OR51B5: variants seen among roughly 807,000 people sequenced by gnomAD.
OR51B5 encodes olfactory receptor family 51 subfamily B member 5.
For synonymous variants in OR51B5, 186 were observed against 144.8 expected (o/e 1.28, Z -2.04); for missense variants, 456 against 374.6 (o/e 1.22, Z -1.79).
chr11:5,396,471 G>A (rs112156765), intron 1 of OR51B5, among the ~76,000 whole-genome samples: 1 of 152,088 alleles, frequency 6.6e-6, no homozygotes, highest in Admixed American at 6.5e-5. Flanking sequence ...GCTTCAGAGA[G>A]AATATAATAC....
At chr11:5,364,144 A>G (rs2467234) in intron 1 of OR51B5, among the ~76,000 whole-genome samples, 28 of 152,194 alleles carry the variant, frequency 1.8e-4, no homozygotes, top group South Asian at 8.3e-4. Context: ...GAAAGAGTAA[A>G]ATTTTCAGGG....
chr11:5,422,828 A>T, intron 1 of OR51B5: 1 of 1,611,988 alleles, frequency 6.2e-7, no homozygotes, highest in South Asian at 1.1e-5. Context: ...GCTCATTATT[A>T]TCGTGGATCC....
chr11:5,489,653 C>T (rs1564831426), intron 1 of OR51B5: 1 of 1,608,292 alleles, frequency 6.2e-7, no homozygotes, highest in Non-Finnish European at 8.5e-7. Context: ...CTGGGGAAGA[C>T]TTCAATATGA....
Position 5,362,601 on chromosome 11 carries a change from C to A in OR51B5, n.85-15691G>T, listed in dbSNP as rs377630866. On this transcript the variant is annotated intron_variant and non_coding_transcript_variant, in intron 1 of 4. Transcript: ENST00000415970. Reference sequence around the variant, plus strand: ...TTCTGGTGGCAGAGTGGTGGCTTAGCCTGCTGGGGCAAAATGGAGCTCAAG... The same window carrying A: ...TTCTGGTGGCAGAGTGGTGGCTTAGACTGCTGGGGCAAAATGGAGCTCAAG... 3.7e-4 allele frequency: 55 copies of A among 147,926 alleles called. No individual in the cohort carries two copies. The East Asian group carries it at 7.0e-3, about 19-fold the overall frequency. 9.2% of individuals were successfully genotyped at this position (147,926 alleles called of 1,614,324 possible). A position where few individuals can be genotyped will look rare whatever the true frequency, so the allele number is the denominator to read the frequency against.
At position 5,484,360 on chromosome 11, in the gene OR51B5, C is replaced by T. The variant is rs1316416591; in HGVS notation, n.84+21209G>A. 3.3e-5 allele frequency among the ~76,000 whole-genome samples: 5 copies of T among 152,174 alleles called. No individual in the cohort carries two copies. The South Asian group carries it at 6.2e-4, about 19-fold the overall frequency. ...CTCCTGCCTCAATCTTTCTGGTCCA[C>T]ACATCCTTAGATAATCACAGAGTAG... On this transcript the variant is annotated intron_variant and non_coding_transcript_variant, in intron 1 of 4. Coordinates refer to the OR51B5 transcript ENST00000415970.
intron 1 of OR51B5, among the ~76,000 whole-genome samples, chr11:5,365,591 A>T (rs7483217): frequency 0.96 from 145,580 of 152,294 alleles, 70,085 homozygotes; most frequent in Non-Finnish European, 0.98. Context: ...GATGCACATG[A>T]CATCGGTTTG....
intron 1 of OR51B5, among the ~76,000 whole-genome samples, chr11:5,412,400 T>C (rs1006134480): frequency 7.2e-5 from 11 of 152,066 alleles, no homozygotes; most frequent in African/African-American, 2.2e-4. Flanking sequence ...CCATCTGAGG[T>C]ATCAGGTTCA....
chr11:5,396,248 G>C (rs1849869438), intron 1 of OR51B5, among the ~76,000 whole-genome samples: 1 of 152,182 alleles, frequency 6.6e-6, no homozygotes, highest in African/African-American at 2.4e-5. Context: ...GGAAATAAAA[G>C]GCATTCAATT....
At chr11:5,415,672 C>G (rs1001068336) in intron 1 of OR51B5, among the ~76,000 whole-genome samples, 2 of 152,118 alleles carry the variant, frequency 1.3e-5, no homozygotes, top group Middle Eastern at 3.2e-3. Context: ...ACTAGAAAAT[C>G]TAGAAGAAAT....
At chr11:5,351,815 A>G (rs1054502407) in intron 1 of OR51B5, 5 of 1,613,928 alleles carry the variant, frequency 3.1e-6, no homozygotes, top group African/African-American at 2.7e-5. Flanking sequence ...TATTTTATCC[A>G]TACTCTTTCT....
intron 1 of OR51B5, among the ~76,000 whole-genome samples, chr11:5,413,479 A>G (rs1354412397): frequency 6.6e-6 from 1 of 152,056 alleles, no homozygotes; most frequent in South Asian, 2.1e-4. Context: ...CAGACAATCA[A>G]ACTACGAGCT....
chr11:5,459,880 G>T (rs969674713), intron 1 of OR51B5, among the ~76,000 whole-genome samples: 1 of 152,086 alleles, frequency 6.6e-6, no homozygotes, highest in East Asian at 1.9e-4. Flanking sequence ...CTACTACTGG[G>T]TATATACCCA....
Position 5,469,178 on chromosome 11 carries a change from G to A in OR51B5, n.84+36391C>T, listed in dbSNP as rs55679555. The stretch of plus-strand genomic sequence containing the variant: ...ATGAAAACACACAGCAGCCAGTACA[G>A]TGGGCAATGTAGAAAAGGACACACC... On this transcript the variant is annotated intron_variant and non_coding_transcript_variant, in intron 1 of 4. Transcript: ENST00000415970. The A allele has an allele frequency of 7.9e-3, 1,483 of 187,036 alleles. 26 individuals are homozygous for A. Among genetic ancestry groups the A allele is most frequent in the African/African-American group, 0.033 (1,390 of 42,304 alleles). The allele number at this position is 187,036 out of a possible 1,614,324, so 11.6% of individuals were successfully genotyped here. A position where few individuals can be genotyped will look rare whatever the true frequency, so the allele number is the denominator to read the frequency against.
chr11:5,440,437 A>G (rs985337285), intron 1 of OR51B5: 5 of 610,618 alleles, frequency 8.2e-6, no homozygotes, highest in African/African-American at 1.8e-5. Flanking sequence ...TTATAGTCAA[A>G]TATTATTTTA....
intron 1 of OR51B5, among the ~76,000 whole-genome samples, chr11:5,462,479 A>G (rs919506721): frequency 6.6e-6 from 1 of 152,226 alleles, no homozygotes; most frequent in Non-Finnish European, 1.5e-5. Flanking sequence ...ACCTACCTCA[A>G]TTAAGCCACC....
rs763132943 is a variant in OR51B5, at chr11:5,342,920, A to G, written c.605T>C (p.Val202Ala). The G allele has an allele frequency of 9.3e-6, 15 of 1,613,854 alleles. No homozygotes were observed. The highest frequency in any genetic ancestry group is 1.3e-5 in the African/African-American group (1 of 74,872). ...CAGATAATCCAGCACAAATATAAAGACTACAAGCACAGCTGGGTACAGTCG... is the reference window on the plus strand; with the variant it reads ...CAGATAATCCAGCACAAATATAAAGGCTACAAGCACAGCTGGGTACAGTCG... Residue 202 changes from valine to alanine, a missense_variant, in exon 1 of 1, where the codon GTC becomes GCC. By Grantham distance (64) the Val-to-Ala change is moderately conservative. Transcript: ENST00000300773.
intron 1 of OR51B5, among the ~76,000 whole-genome samples, chr11:5,429,572 A>G (rs1443403250): frequency 6.6e-6 from 1 of 152,136 alleles, no homozygotes; most frequent in Non-Finnish European, 1.5e-5. Context: ...AGGAGATGAG[A>G]AGATGGTCGT....
intron 1 of OR51B5, among the ~76,000 whole-genome samples, chr11:5,435,281 A>G (rs774920771): frequency 2.6e-5 from 4 of 152,208 alleles, no homozygotes; most frequent in Non-Finnish European, 5.9e-5. Context: ...GCTTTCTCAC[A>G]TTGGTCTTAA....
intron 1 of OR51B5, chr11:5,505,203 C>A: frequency 1.1e-6 from 1 of 891,086 alleles, no homozygotes. Context: ...CTCAGGTTTT[C>A]TTTGGCTCAA....
Sources: allele counts gnomAD v4.1 joint callset (sites outside exome capture counted in the v4.1 genomes callset), GRCh38; gene constraint gnomAD v4.1.1; transcripts MANE v1.5; gene names NCBI Gene and HGNC (gene_info 2026-07-23, HGNC 2026-07-21).